The following GPHN variants were observed in gnomAD, a reference collection of about 807,000 sequenced individuals.
The protein encoded by GPHN is gephyrin.
A neutral mutation model predicts 95.5 loss-of-function variants in GPHN; 17 were observed. That is an observed-to-expected ratio of 0.18 (90% CI 0.12 to 0.27). The LOEUF (loss-of-function observed/expected upper bound fraction) is 0.27. GPHN is among the 10% of genes least tolerant of loss of function. The pLI is 1.00. For missense variants in GPHN, 660 were observed against 978.1 expected (o/e 0.67, Z 4.34); for synonymous variants, 320 against 322.5 (o/e 0.99, Z 0.08).
intron 1 of GPHN, among the ~76,000 whole-genome samples, chr14:66,676,635 T>C (rs1364627511): frequency 1.3e-5 from 2 of 151,798 alleles, no homozygotes; most frequent in African/African-American, 4.8e-5. Context: ...TGAACCATCC[T>C]CGCATACCTG....
the GPHN span, chr14:67,381,558 ATTT>A: frequency 1.9e-6 from 3 of 1,563,816 alleles, no homozygotes; most frequent in East Asian, 2.2e-5. Flanking sequence ...TATTTTTTGC[ATTT>A]TTTATCAACT....
chr14:67,699,180 G>A, the GPHN span, among the ~76,000 whole-genome samples: 1,769 of 151,964 alleles, frequency 0.012, 33 homozygotes, highest in African/African-American at 0.041. Flanking sequence ...TTGAACCCGG[G>A]AGGCAGAGGT....
At chr14:66,851,156 CA>C (rs78595378) in intron 4 of GPHN, among the ~76,000 whole-genome samples, 9 of 143,920 alleles carry the variant, frequency 6.3e-5, no homozygotes, top group South Asian at 2.2e-4. Context: ...ATTTAATTTA[CA>C]AAAAAAAAAC....
the GPHN span, chr14:67,347,543 C>T: frequency 5.9e-6 from 7 of 1,179,948 alleles, no homozygotes; most frequent in Admixed American, 2.1e-5. Flanking sequence ...CTCTTGTCGC[C>T]GAGGCTGGAA....
the GPHN span, chr14:67,383,444 T>C: frequency 6.2e-7 from 1 of 1,612,728 alleles, no homozygotes; most frequent in Non-Finnish European, 8.5e-7. Context: ...AGATTAACTT[T>C]GTGGGAAACA....
chr14:67,448,568 T>G, the GPHN span, among the ~76,000 whole-genome samples: 5 of 152,032 alleles, frequency 3.3e-5, no homozygotes, highest in East Asian at 7.8e-4. Context: ...CTACAAGGAC[T>G]GCATGGGTGA....
the GPHN span, among the ~76,000 whole-genome samples, chr14:67,284,413 C>A: frequency 1.9e-5 from 2 of 103,994 alleles, no homozygotes; most frequent in African/African-American, 1.2e-4. Flanking sequence ...GCTTGGGCAA[C>A]ATAGACCCTA....
At chr14:67,569,291 C>T in the GPHN span, 1 of 1,018,460 alleles carries the variant, frequency 9.8e-7, no homozygotes, top group Non-Finnish European at 1.5e-6. Flanking sequence ...GGAGAAGACT[C>T]CAAGCAACAC....
At chr14:67,650,657 C>G in the GPHN span, 3 of 1,493,258 alleles carry the variant, frequency 2.0e-6, no homozygotes, top group Admixed American at 1.7e-5. Context: ...AGTGGGATGA[C>G]CCTCACTGAG....
the GPHN span, among the ~76,000 whole-genome samples, chr14:67,235,711 T>A: frequency 6.6e-6 from 1 of 150,722 alleles, no homozygotes; most frequent in East Asian, 1.9e-4. Flanking sequence ...TGAGACTCCA[T>A]CTCAAAAAAA....
intron 17 of GPHN, among the ~76,000 whole-genome samples, chr14:67,141,348 G>T (rs2080446071): frequency 6.6e-6 from 1 of 152,124 alleles, no homozygotes; most frequent in Admixed American, 6.5e-5. Context: ...TGATTTTCTT[G>T]TGTGTTACTC....
At chr14:67,381,814 A>G in the GPHN span, 1 of 621,196 alleles carries the variant, frequency 1.6e-6, no homozygotes, top group Middle Eastern at 2.6e-4. Context: ...TTTACTCTTA[A>G]AATTGAGCAG....
the GPHN span, among the ~76,000 whole-genome samples, chr14:67,706,593 T>C: frequency 6.6e-5 from 10 of 152,160 alleles, no homozygotes; most frequent in Non-Finnish European, 1.3e-4. Flanking sequence ...TTCTTTTGAG[T>C]TTCTGTTTAG....
At chr14:67,200,482 TA>T in the GPHN span, 1 of 382,596 alleles carries the variant, frequency 2.6e-6, no homozygotes, top group East Asian at 5.2e-5. Flanking sequence ...CCACAGGAGG[TA>T]TTTCTTTTTT....
At chr14:67,459,960 C>T in the GPHN span, among the ~76,000 whole-genome samples, 16 of 152,092 alleles carry the variant, frequency 1.1e-4, no homozygotes, top group Non-Finnish European at 1.5e-4. Context: ...AGGGGGATAG[C>T]TAAGCTAACT....
At position 66,964,898 on chromosome 14, in the gene GPHN, A is replaced by C. The variant is rs920937865; in HGVS notation, c.829-293A>C. ...ATTAAATAGCTTGCTCAAGATTTCAAACTATTAAATGGCATAGCAAGTATA... is the reference window on the plus strand; with the variant it reads ...ATTAAATAGCTTGCTCAAGATTTCACACTATTAAATGGCATAGCAAGTATA... On this transcript the variant is annotated intron_variant, in intron 8 of 22. Transcript: ENST00000478722. Among the ~76,000 whole-genome samples the C allele has an allele frequency of 2.0e-5, 3 of 152,340 alleles. No individual in the cohort carries two copies. In the East Asian group the frequency reaches 5.8e-4, roughly 29 times the overall value.
At chr14:67,071,471 T>C (rs965054341) in intron 11 of GPHN, among the ~76,000 whole-genome samples, 7 of 138,148 alleles carry the variant, frequency 5.1e-5, no homozygotes, top group Non-Finnish European at 1.1e-4. Context: ...TATCACACAC[T>C]GGGGCCTGTT....
At chr14:67,593,660 GT>G in the GPHN span, 1 of 782,254 alleles carries the variant, frequency 1.3e-6, no homozygotes, top group Non-Finnish European at 2.2e-6. Context: ...CACTTTTACG[GT>G]TTTAGTTTAA....
the GPHN span, among the ~76,000 whole-genome samples, chr14:67,307,904 A>C: frequency 6.6e-6 from 1 of 152,188 alleles, no homozygotes. Context: ...ATGCAGCCAT[A>C]AAAAAATGAG....
Sources: allele counts gnomAD v4.1 joint callset (sites outside exome capture counted in the v4.1 genomes callset), GRCh38; gene constraint gnomAD v4.1.1; transcripts MANE v1.5; gene names NCBI Gene and HGNC (gene_info 2026-07-23, HGNC 2026-07-21).